Variants in UBE3C observed in about 807,000 individuals in gnomAD.
The protein encoded by UBE3C is ubiquitin-protein ligase E3C.
UBE3C carries 42 observed loss-of-function variants against 129.4 expected under a neutral mutation model. The observed-to-expected ratio is 0.32, with a 90% CI of 0.25 to 0.42. The LOEUF is 0.42. Ranked by LOEUF, UBE3C falls within the 10% of genes least tolerant of loss-of-function variation. The pLI, the probability that UBE3C is intolerant of heterozygous loss-of-function variation, is 1.00. For missense variants in UBE3C, 1,049 were observed against 1,319.1 expected, an observed-to-expected ratio of 0.80 and a Z score of 3.17; for synonymous variants, 510 against 492.4, an observed-to-expected ratio of 1.04 and a Z score of -0.47.
intron 1 of UBE3C, chr7:157,140,138 C>T (rs1807397897): frequency 1.8e-6 from 1 of 552,190 alleles, no homozygotes; most frequent in South Asian, 7.9e-5. Context: ...AGTCGTTGAA[C>T]ACTGTGTGGT....
At chr7:157,259,721 G>A (rs1796847865) in intron 22 of UBE3C, among the ~76,000 whole-genome samples, 1 of 152,178 alleles carries the variant, frequency 6.6e-6, no homozygotes, top group South Asian at 2.1e-4. Context: ...CACAGGGCTG[G>A]AGGTGGCAGC....
intron 2 of UBE3C, chr7:157,164,593 C>A: frequency 5.5e-6 from 2 of 365,458 alleles, no homozygotes; most frequent in Non-Finnish European, 1.1e-5. Flanking sequence ...GTGATAGTTT[C>A]TTTAAATAGC....
rs191225704 is a variant in UBE3C, at chr7:157,268,342, C to G, written c.*587C>G. 1 of 152,680 alleles carries G rather than the reference C, an allele frequency of 6.5e-6. No homozygotes were observed. Among genetic ancestry groups the G allele is most frequent in the Non-Finnish European group, 1.5e-5 (1 of 68,080 alleles). 9.5% of individuals were successfully genotyped at this position (152,680 alleles called of 1,614,324 possible). A position where few individuals can be genotyped will look rare whatever the true frequency, so the allele number is the denominator to read the frequency against. Reference sequence around the variant, plus strand: ...TTTTAAGCCATTTCCCCAAATGGGACTAGCATGCTTGTTTTCAGTATACCG... The same window carrying G: ...TTTTAAGCCATTTCCCCAAATGGGAGTAGCATGCTTGTTTTCAGTATACCG... On this transcript the variant is annotated 3_prime_UTR_variant, in exon 23 of 23. Coordinates refer to ENST00000348165, the MANE Select transcript of UBE3C (RefSeq NM_014671.3).
intron 5 of UBE3C, 102 bp downstream of exon 5, chr7:157,175,136 A>AATTTTTTTTTTTTT: frequency 5.4e-6 from 2 of 372,748 alleles, no homozygotes; most frequent in Non-Finnish European, 7.3e-6. Flanking sequence ...GCTTTTCCAT[A>AATTTTTTTTTTTTT]CTTTTTTTTT....
chr7:157,156,497 G>A (rs544714130), intron 1 of UBE3C, among the ~76,000 whole-genome samples: 29 of 151,656 alleles, frequency 1.9e-4, no homozygotes, highest in African/African-American at 6.8e-4. Context: ...CATAGAGACA[G>A]GGTTTCACTA....
rs1213258664 is a variant in UBE3C, at chr7:157,178,855, G to A, written c.616+8G>A. On this transcript the variant is annotated splice_region_variant and intron_variant, in intron 6 of 22. Transcript: ENST00000348165. ...ACTACATGATTCACAATGGTAAGTAGTAGGCAGGATCAGAACTGTGGCTCA... is the reference window on the plus strand; with the variant it reads ...ACTACATGATTCACAATGGTAAGTAATAGGCAGGATCAGAACTGTGGCTCA... The A allele has an allele frequency of 6.2e-7, 1 of 1,613,578 alleles. No homozygotes were observed. Among genetic ancestry groups the A allele is most frequent in the Non-Finnish European group, 8.5e-7 (1 of 1,179,710 alleles).
In UBE3C at chr7:157,223,277, T is replaced by C; in HGVS notation, c.2026T>C (p.Ser676Pro). ...AGTGGGTTTGGAGTCCCCGCCGCTG[T>C]CTGTGTCTGAGGAAAGACAGCTTGC... The part of the protein sequence containing the change: ...LDVGLESPPL[S>P]VSEERQLAVL... Residue 676 changes from serine (S) to proline (P), a missense_variant, in exon 16 of 23, where the codon TCT (serine) becomes CCT (proline). Transcript: ENST00000348165. 3.1e-6 allele frequency: 5 copies of C among 1,614,184 alleles called. No homozygotes were observed.
chr7:157,225,563 T>G (rs75822318), intron 17 of UBE3C, 24 bp downstream of exon 17: 38,822 of 1,537,328 alleles, frequency 0.025, 597 homozygotes, highest in Non-Finnish European at 0.028. Context: ...TTTCTGTGTA[T>G]TATTTGGCAG....
rs759063076 is a variant in UBE3C, at chr7:157,254,098, G to A, written c.2839G>A (p.Val947Ile). 2.0e-5 allele frequency: 32 copies of A among 1,612,670 alleles called. No homozygotes were observed. The highest frequency in any genetic ancestry group is 1.8e-4 in the South Asian group (16 of 90,708). Residue 947 changes from valine (V) to isoleucine (I), a missense_variant, in exon 20 of 23, where the codon GTC becomes ATC. Val to Ile is a conservative substitution (Grantham distance 29, BLOSUM62 3). This residue lies in a region of UBE3C where 243 missense variants were observed against 368.7 expected (regional missense o/e 0.66). Transcript: ENST00000348165. ...LAFRQGLANVVSLEWLRMFDQ... is the reference protein window; with the variant it reads ...LAFRQGLANVISLEWLRMFDQ... ...TTTCCGCCAGGGCCTTGCCAATGTC[G>A]TCAGCCTCGAGTGGCTCCGAATGTT...
rs567223783 is a variant in UBE3C, at chr7:157,162,613, C to T, written c.67-1197C>T. On this transcript the variant is annotated intron_variant, in intron 1 of 22. Transcript: ENST00000348165. ...GGAGAGTGGTAGCTCAATCCTGGCT[C>T]ACTGCAGCCTTGACCTCCTGGGCCT... Among the ~76,000 whole-genome samples, 4 of 151,038 alleles carry T rather than the reference C, an allele frequency of 2.6e-5. No individual in the cohort carries two copies. The South Asian group carries it at 6.3e-4, about 24-fold the overall frequency.
In UBE3C at chr7:157,268,440, C is replaced by G. The variant is rs1197084422; in HGVS notation, c.*685C>G. 6.5e-6 allele frequency: 1 copy of G among 152,742 alleles called. No individual in the cohort carries two copies. The highest frequency in any genetic ancestry group is 2.4e-5 in the African/African-American group (1 of 41,556). The allele number at this position is 152,742 out of a possible 1,614,324, so 9.5% of individuals were successfully genotyped here. A position where few individuals can be genotyped will look rare whatever the true frequency, so the allele number is the denominator to read the frequency against. On this transcript the variant is annotated 3_prime_UTR_variant, in exon 23 of 23. Transcript: ENST00000348165. ...GGGGACTTCATTCATTGTCCTATTT[C>G]TATCTCCACTTTGTGCCTGGAGAGC... is the stretch of plus-strand genomic sequence containing the variant.
In UBE3C at chr7:157,254,150, A is replaced by G. The variant is rs1195665737; in HGVS notation, c.2883+8A>G. ...GATCAGCAAGAAATTCAGGTACCCTACCTGCTGACTTTCTGGGACACGCTT... is the reference window on the plus strand; with the variant it reads ...GATCAGCAAGAAATTCAGGTACCCTGCCTGCTGACTTTCTGGGACACGCTT... On this transcript the variant is annotated splice_region_variant and intron_variant, in intron 20 of 22. Transcript: ENST00000348165. The G allele has an allele frequency of 6.2e-7, 1 of 1,610,992 alleles. No homozygotes were observed. The highest frequency in any genetic ancestry group is 8.5e-7 in the Non-Finnish European group (1 of 1,178,166).
At chr7:157,219,948 C>T (rs1001605684) in intron 14 of UBE3C, among the ~76,000 whole-genome samples, 4 of 151,636 alleles carry the variant, frequency 2.6e-5, no homozygotes, top group Non-Finnish European at 5.9e-5. Context: ...TGGTGGCTCA[C>T]GCCTGTGACC....
intron 1 of UBE3C, among the ~76,000 whole-genome samples, chr7:157,162,402 C>T (rs1808095469): frequency 6.6e-6 from 1 of 152,012 alleles, no homozygotes; most frequent in South Asian, 2.1e-4. Context: ...ACTGTGTTGG[C>T]CAGGCTGGTC....
At chr7:157,242,036 T>G (rs1196752873) in intron 18 of UBE3C, among the ~76,000 whole-genome samples, 1 of 152,228 alleles carries the variant, frequency 6.6e-6, no homozygotes, top group Non-Finnish European at 1.5e-5. Flanking sequence ...GTGGAGTTTC[T>G]TTTTAGAATA....
At chr7:157,260,131 T>C (rs1202896935) in intron 22 of UBE3C, among the ~76,000 whole-genome samples, 1 of 118,272 alleles carries the variant, frequency 8.5e-6, no homozygotes, top group East Asian at 2.4e-4. Context: ...AAAATAACCA[T>C]GCAAATAAAA....
At chr7:157,184,136 G>A (rs1808746392) in intron 9 of UBE3C, 107 bp downstream of exon 9, 1 of 1,419,272 alleles carries the variant, frequency 7.0e-7, no homozygotes, top group East Asian at 2.3e-5. Flanking sequence ...AGACCCTCAA[G>A]CAGCCTTTGC....
At chr7:157,256,120 G>A (rs141911196) in intron 21 of UBE3C, among the ~76,000 whole-genome samples, 1,864 of 152,158 alleles carry the variant, frequency 0.012, 18 homozygotes, top group Middle Eastern at 0.038. Context: ...GTTACAGGGT[G>A]ATCCTTATTC....
chr7:157,198,369 T>C, intron 10 of UBE3C: 1 of 753,824 alleles, frequency 1.3e-6, no homozygotes, highest in East Asian at 2.5e-5. Context: ...AGTTTATTTC[T>C]TGATATGTCA....
Sources: allele counts gnomAD v4.1 joint callset (sites outside exome capture counted in the v4.1 genomes callset), GRCh38; gene constraint gnomAD v4.1.1; regional missense constraint gnomAD v4.1.1; transcripts MANE v1.5; gene names NCBI Gene and HGNC (gene_info 2026-07-23, HGNC 2026-07-21).